The following LDLRAD3 variants were observed in gnomAD, a reference collection of about 807,000 sequenced individuals.
LDLRAD3 encodes the protein low-density lipoprotein receptor class A domain-containing protein 3.
Under a neutral mutation model 29.4 loss-of-function variants are expected in LDLRAD3, and 20 were observed. The observed-to-expected ratio is 0.68, with a 90% CI of 0.48 to 0.99. The LOEUF is 0.99. Among genes scored for constraint, LDLRAD3 ranks in the 50% least tolerant of loss-of-function variants. LDLRAD3 has a pLI of 0.00. For missense variants in LDLRAD3, 420 were observed against 454.3 expected (o/e 0.92, Z 0.69); for synonymous variants, 157 against 192.7 (o/e 0.81, Z 1.53).
intron 2 of LDLRAD3, among the ~76,000 whole-genome samples, chr11:36,064,414 A>T (rs1445487168): frequency 6.6e-6 from 1 of 151,724 alleles, no homozygotes; most frequent in Non-Finnish European, 1.5e-5. Flanking sequence ...GGCTCAAGTG[A>T]TACTCCTGCC....
intron 4 of LDLRAD3, among the ~76,000 whole-genome samples, chr11:36,105,067 A>G (rs929979774): frequency 2.6e-5 from 4 of 152,080 alleles, no homozygotes; most frequent in African/African-American, 9.7e-5. Context: ...GAGTTAATTA[A>G]GTGTTTTGGC....
chr11:36,174,006 CA>C (rs760155904), intron 4 of LDLRAD3, among the ~76,000 whole-genome samples: 6 of 152,230 alleles, frequency 3.9e-5, no homozygotes, highest in Non-Finnish European at 8.8e-5. Flanking sequence ...ATACTGGTAC[CA>C]AAACAGAGAT....
At chr11:36,045,806 T>C (rs1852441957) in intron 2 of LDLRAD3, among the ~76,000 whole-genome samples, 1 of 152,128 alleles carries the variant, frequency 6.6e-6, no homozygotes, top group African/African-American at 2.4e-5. Flanking sequence ...TAAGTTCTTT[T>C]TAAATTTTAT....
chr11:35,953,741 G>A (rs1011867527), intron 1 of LDLRAD3, among the ~76,000 whole-genome samples: 1 of 152,168 alleles, frequency 6.6e-6, no homozygotes, highest in African/African-American at 2.4e-5. Flanking sequence ...GGAATTTGGG[G>A]AGGGGAAGAG....
chr11:35,985,043 G>A lies in LDLRAD3; in HGVS notation c.46+40899G>A, dbSNP rs368375207. ...GGGCTCAAGCGATTCTCCCACCTCA[G>A]CCTCCCAAGTAGCAGGGAACTACTC... is the stretch of plus-strand genomic sequence containing the variant. On this transcript the variant is annotated intron_variant, in intron 1 of 5. Coordinates refer to ENST00000315571, the MANE Select transcript of LDLRAD3 (RefSeq NM_174902.4). Among the ~76,000 whole-genome samples the A allele has an allele frequency of 5.3e-5, 8 of 150,272 alleles. No individual in the cohort carries two copies. The South Asian group carries it at 6.3e-4, about 12-fold the overall frequency.
intron 1 of LDLRAD3, chr11:35,997,317 A>G (rs1252377898): frequency 2.3e-6 from 1 of 431,326 alleles, no homozygotes; most frequent in African/African-American, 2.1e-5. Context: ...TCTCTGGCTA[A>G]AGATCAGTGC....
Position 36,154,683 on chromosome 11 carries a change from G to A in LDLRAD3, c.454+56222G>A, listed in dbSNP as rs182334459. Among the ~76,000 whole-genome samples, 33 of 152,294 alleles carry A rather than the reference G, an allele frequency of 2.2e-4. No individual in the cohort carries two copies. In the South Asian group the frequency reaches 3.9e-3, roughly 18 times the overall value. On this transcript the variant is annotated intron_variant, in intron 4 of 5. Coordinates refer to ENST00000315571, the MANE Select transcript of LDLRAD3 (RefSeq NM_174902.4). ...CAGAACCTGCAGCTGCAGTCAGTCT[G>A]GAGTCAGGTAACTTAATTAGGAATC...
At chr11:36,075,600 A>G (rs1160232975) in intron 2 of LDLRAD3, among the ~76,000 whole-genome samples, 1 of 152,162 alleles carries the variant, frequency 6.6e-6, no homozygotes, top group Non-Finnish European at 1.5e-5. Context: ...TTATTTTCTA[A>G]TTTTAGCATC....
chr11:36,068,590 C>A lies in LDLRAD3; in HGVS notation c.194-13063C>A, dbSNP rs988200942. ...GGAGTGCAGTGGCGCAATCTCAGCT[C>A]ACTGCAATCACCGCCTCTTGGGTTC... is the stretch of plus-strand genomic sequence containing the variant. On this transcript the variant is annotated intron_variant, in intron 2 of 5. Transcript: ENST00000315571. Among the ~76,000 whole-genome samples, 10 of 152,318 alleles carry A rather than the reference C, an allele frequency of 6.6e-5. No individual in the cohort carries two copies. In the East Asian group the frequency reaches 1.9e-3, roughly 29 times the overall value.
chr11:36,066,541 C>T lies in LDLRAD3; in HGVS notation c.194-15112C>T, dbSNP rs192043905. Among the ~76,000 whole-genome samples, 1,167 of 152,322 alleles carry T rather than the reference C, an allele frequency of 7.7e-3. 47 individuals carry two copies. The highest frequency in any genetic ancestry group is 0.07 in the Admixed American group (1,074 of 15,304). ...TATATGCACACAAAAACCTCTTTAT[C>T]CACATATGTGTGTGCATTACAAATA... On this transcript the variant is annotated intron_variant, in intron 2 of 5. Coordinates refer to ENST00000315571, the MANE Select transcript of LDLRAD3 (RefSeq NM_174902.4).
chr11:36,056,954 A>G (rs56325096), intron 2 of LDLRAD3, among the ~76,000 whole-genome samples: 2,264 of 152,212 alleles, frequency 0.015, 64 homozygotes, highest in African/African-American at 0.053. Context: ...CTCAGTAGGT[A>G]TGTGGGGTAA....
At chr11:36,041,186 T>C (rs2133214569) in intron 2 of LDLRAD3, among the ~76,000 whole-genome samples, 1 of 152,314 alleles carries the variant, frequency 6.6e-6, no homozygotes, top group South Asian at 2.1e-4. Flanking sequence ...TCCATGGAAG[T>C]CCTGATTATG....
chr11:36,144,815 G>T (rs1431596317), intron 4 of LDLRAD3, among the ~76,000 whole-genome samples: 2 of 109,624 alleles, frequency 1.8e-5, no homozygotes, highest in Admixed American at 8.3e-5. Context: ...GGGGGGGTCA[G>T]CCCCCCGCCC....
chr11:36,196,250 G>A (rs562534885), intron 4 of LDLRAD3: 1 of 151,684 alleles, frequency 6.6e-6, no homozygotes, highest in Non-Finnish European at 1.5e-5. Flanking sequence ...AGACACAAGG[G>A]AGTTGGAAAA....
chr11:36,097,784 T>A (rs1050602493), intron 3 of LDLRAD3, among the ~76,000 whole-genome samples: 4 of 152,044 alleles, frequency 2.6e-5, no homozygotes, highest in African/African-American at 9.7e-5. Flanking sequence ...ATTATGTATA[T>A]GTAGCAAAAT....
At chr11:36,207,710 C>T (rs961782534) in intron 4 of LDLRAD3, among the ~76,000 whole-genome samples, 16 of 151,954 alleles carry the variant, frequency 1.1e-4, no homozygotes, top group Admixed American at 1.0e-3. Flanking sequence ...ATAAGTCCAA[C>T]CACAACTCAC....
At chr11:36,170,916 G>C (rs7105127) in intron 4 of LDLRAD3, among the ~76,000 whole-genome samples, 1 of 151,412 alleles carries the variant, frequency 6.6e-6, no homozygotes. Flanking sequence ...ATTCTCCTGC[G>C]TCAGCCTCCC....
At chr11:36,116,090 G>A (rs1044196746) in intron 4 of LDLRAD3, among the ~76,000 whole-genome samples, 2 of 152,184 alleles carry the variant, frequency 1.3e-5, no homozygotes, top group Non-Finnish European at 2.9e-5. Flanking sequence ...GGATTGCTGG[G>A]AGGAAATGTG....
intron 1 of LDLRAD3, among the ~76,000 whole-genome samples, chr11:36,022,733 C>A (rs920398261): frequency 1.3e-5 from 2 of 152,154 alleles, no homozygotes; most frequent in Admixed American, 6.5e-5. Context: ...AAACTTGCTT[C>A]GTTTTCTGGA....
Sources: allele counts gnomAD v4.1 joint callset (sites outside exome capture counted in the v4.1 genomes callset), GRCh38; gene constraint gnomAD v4.1.1; transcripts MANE v1.5; gene names NCBI Gene and HGNC (gene_info 2026-07-23, HGNC 2026-07-21).